The following STARD13 variants were observed in gnomAD, a reference collection of about 807,000 sequenced individuals.
The protein encoded by STARD13 is StAR related lipid transfer domain containing 13.
Under a neutral mutation model 106.4 loss-of-function variants are expected in STARD13, and 62 were observed. The ratio of observed to expected loss-of-function variants is 0.58; its 90% CI spans 0.48 to 0.72. The LOEUF (loss-of-function observed/expected upper bound fraction) is 0.72, where lower values mean the gene tolerates loss of function less well. Ranked by LOEUF, STARD13 falls within the 30% of genes least tolerant of loss-of-function variation. The probability of loss-of-function intolerance (pLI) is 0.00; values close to 1 mark genes in which losing one functional copy is unlikely to be tolerated. For synonymous variants in STARD13, 565 were observed against 553.0 expected, an observed-to-expected ratio of 1.02 and a Z score of -0.31; for missense variants, 1,387 against 1,424.0, an observed-to-expected ratio of 0.97 and a Z score of 0.42.
the STARD13 span, among the ~76,000 whole-genome samples, chr13:33,590,933 C>T: frequency 6.6e-6 from 1 of 152,116 alleles, no homozygotes; most frequent in Non-Finnish European, 1.5e-5. Flanking sequence ...TTATTATTTT[C>T]CAATCTGCAA....
chr13:33,163,838 A>T (rs1883031685), intron 3 of STARD13, among the ~76,000 whole-genome samples: 2 of 150,730 alleles, frequency 1.3e-5, no homozygotes, highest in African/African-American at 4.9e-5. Flanking sequence ...AATTTTTCAA[A>T]TATTAAAAAA....
chr13:33,253,034 C>A (rs117298414), intron 1 of STARD13, among the ~76,000 whole-genome samples: 3,071 of 152,256 alleles, frequency 0.02, 45 homozygotes, highest in Non-Finnish European at 0.029. Flanking sequence ...AAGGTCACCA[C>A]CAAACAATTT....
At chr13:33,224,334 T>G (rs1315396234) in intron 1 of STARD13, among the ~76,000 whole-genome samples, 1 of 152,218 alleles carries the variant, frequency 6.6e-6, no homozygotes, top group Non-Finnish European at 1.5e-5. Context: ...ACTGTATCTT[T>G]ACAATAAAGT....
chr13:33,617,908 A>T, the STARD13 span, among the ~76,000 whole-genome samples: 8 of 152,238 alleles, frequency 5.3e-5, no homozygotes, highest in African/African-American at 1.9e-4. Context: ...TGATGTTATG[A>T]TAGAAAATTG....
At chr13:33,583,914 T>C in the STARD13 span, among the ~76,000 whole-genome samples, 1 of 151,922 alleles carries the variant, frequency 6.6e-6, no homozygotes, top group Non-Finnish European at 1.5e-5. Flanking sequence ...TTACGAATAA[T>C]GGTTATGAGC....
the STARD13 span, among the ~76,000 whole-genome samples, chr13:33,495,047 T>TG: frequency 7.7e-6 from 1 of 129,928 alleles, no homozygotes; most frequent in African/African-American, 2.7e-5. Flanking sequence ...ATTTCCTGCC[T>TG]ACACTTCCGC....
chr13:33,340,454 G>A (rs1393061426), intron 1 of STARD13, among the ~76,000 whole-genome samples: 3 of 152,232 alleles, frequency 2.0e-5, no homozygotes, highest in Admixed American at 2.0e-4. Context: ...CAAGAAATTT[G>A]AAATGTTTCC....
chr13:33,209,768 C>G (rs937346799), intron 1 of STARD13, among the ~76,000 whole-genome samples: 1 of 151,776 alleles, frequency 6.6e-6, no homozygotes, highest in Non-Finnish European at 1.5e-5. Context: ...CCCAGGAGTT[C>G]AAGACCAACC....
the STARD13 span, among the ~76,000 whole-genome samples, chr13:33,460,960 T>C: frequency 2.0e-5 from 3 of 152,286 alleles, 1 homozygote; most frequent in South Asian, 6.2e-4. Context: ...TCAAAATAAT[T>C]AGGCCAAGTG....
chr13:33,385,257 A>ATATATATG, the STARD13 span, among the ~76,000 whole-genome samples: 3 of 135,788 alleles, frequency 2.2e-5, no homozygotes, highest in Admixed American at 7.4e-5. Context: ...ATATATATAT[A>ATATATATG]TGTAGAAAAC....
At position 33,246,619 on chromosome 13, in the gene STARD13, C is replaced by T. The variant is rs903839936; in HGVS notation, c.169+38851G>A. Among the ~76,000 whole-genome samples the T allele has an allele frequency of 5.3e-5, 8 of 151,954 alleles. No homozygotes were observed. The East Asian group carries it at 5.8e-4, about 11-fold the overall frequency. On this transcript the variant is annotated intron_variant, in intron 1 of 13. Coordinates refer to ENST00000336934, the MANE Select transcript of STARD13 (RefSeq NM_178006.4). ...AAAACACTGTGCTAGGTAGATCCAA[C>T]GAGGATCCAAAGATATAGAAGATAT...
At chr13:33,452,432 G>A in the STARD13 span, among the ~76,000 whole-genome samples, 2 of 152,332 alleles carry the variant, frequency 1.3e-5, no homozygotes, top group East Asian at 3.9e-4. Context: ...TCAGACTAGA[G>A]CTTCATGCTT....
At chr13:33,251,510 C>T (rs981936193) in intron 1 of STARD13, among the ~76,000 whole-genome samples, 2 of 152,158 alleles carry the variant, frequency 1.3e-5, no homozygotes, top group African/African-American at 4.8e-5. Flanking sequence ...TGAATAGCCA[C>T]TAATTTGCAG....
chr13:33,441,358 A>G, the STARD13 span, among the ~76,000 whole-genome samples: 287 of 152,312 alleles, frequency 1.9e-3, 1 homozygote, highest in Non-Finnish European at 3.5e-3. Context: ...GATCACTTCA[A>G]TCTTCTTAAA....
chr13:33,437,174 A>G, the STARD13 span, among the ~76,000 whole-genome samples: 1 of 152,218 alleles, frequency 6.6e-6, no homozygotes, highest in African/African-American at 2.4e-5. Context: ...CGGTTATGTT[A>G]TCTATAGATT....
At chr13:33,235,229 T>C (rs771257441) in intron 1 of STARD13, among the ~76,000 whole-genome samples, 2 of 152,212 alleles carry the variant, frequency 1.3e-5, no homozygotes, top group Non-Finnish European at 2.9e-5. Context: ...CTGAGCAAAC[T>C]ACTAGTCCAA....
At chr13:33,349,319 A>G in intron 1 of STARD13, 1 of 692,738 alleles carries the variant, frequency 1.4e-6, no homozygotes, top group South Asian at 1.5e-5. Flanking sequence ...ATCTTCCAGC[A>G]GCCAACATGT....
At chr13:33,446,629 C>T in the STARD13 span, among the ~76,000 whole-genome samples, 1 of 151,962 alleles carries the variant, frequency 6.6e-6, no homozygotes, top group Middle Eastern at 3.2e-3. Context: ...TCAGTTTCAC[C>T]TATGATATAT....
chr13:33,147,209 A>T (rs1880662235), intron 3 of STARD13, among the ~76,000 whole-genome samples: 1 of 152,238 alleles, frequency 6.6e-6, no homozygotes, highest in South Asian at 2.1e-4. Context: ...AATATCTGGG[A>T]GAATGAGATG....
Sources: gnomAD v4.1 joint callset for allele counts (sites outside exome capture counted in the v4.1 genomes callset) on GRCh38, gnomAD v4.1.1 for gene constraint, MANE v1.5 for transcripts, NCBI Gene and HGNC (gene_info 2026-07-23, HGNC 2026-07-21) for gene names.